DCAF1: variants seen among roughly 807,000 people sequenced by gnomAD.
DCAF1 encodes DDB1 and CUL4 associated factor 1, also known as DDB1- and CUL4-associated factor 1.
In DCAF1, 15 loss-of-function variants were observed where a neutral mutation model predicts 128.0. The observed-to-expected ratio is 0.12, with a 90% CI of 0.08 to 0.18. The LOEUF (loss-of-function observed/expected upper bound fraction) is 0.18, where lower values mean the gene tolerates loss of function less well. Among genes scored for constraint, DCAF1 ranks in the 10% least tolerant of loss-of-function variants. The pLI, the probability that DCAF1 is intolerant of heterozygous loss-of-function variation, is 1.00. For missense variants in DCAF1, 988 were observed against 1,649.5 expected, an observed-to-expected ratio of 0.60 and a Z score of 6.95; for synonymous variants, 610 against 603.0, an observed-to-expected ratio of 1.01 and a Z score of -0.17.
At chr3:51,473,921 A>G (rs1207454898) in intron 3 of DCAF1, among the ~76,000 whole-genome samples, 2 of 151,362 alleles carry the variant, frequency 1.3e-5, no homozygotes, top group Non-Finnish European at 2.9e-5. Context: ...CTCCTGCCTC[A>G]GCCTCCTGAG....
In DCAF1 at chr3:51,441,648, A is replaced by C; in HGVS notation, c.763T>G (p.Ser255Ala). 6.2e-7 allele frequency: 1 copy of C among 1,613,900 alleles called. No homozygotes were observed. Among genetic ancestry groups the C allele is most frequent in the Non-Finnish European group, 8.5e-7 (1 of 1,179,870 alleles). The change falls in exon 8 of 25, where the codon TCA (serine) becomes GCA (alanine). Residue 255 changes from serine to alanine, a missense_variant. Coordinates refer to ENST00000684031, the MANE Select transcript of DCAF1 (RefSeq NM_001387579.1). ...CCTCCATCCTCAGGTTTGGTTGTTG[A>C]GTTCACTCTGCTACTAGTCTTGTGG... ...SGHKTSSRVN[S>A]TTKPEDGGLK...
intron 6 of DCAF1, among the ~76,000 whole-genome samples, chr3:51,449,944 T>G (rs1553641119): frequency 1.3e-5 from 2 of 152,052 alleles, no homozygotes; most frequent in African/African-American, 4.8e-5. Flanking sequence ...ACAGAAAAAC[T>G]AAATAGACCT....
At chr3:51,448,869 TAC>T (rs1702109342) in intron 6 of DCAF1, among the ~76,000 whole-genome samples, 1 of 151,844 alleles carries the variant, frequency 6.6e-6, no homozygotes, top group South Asian at 2.1e-4. Context: ...AACAGTAGAT[TAC>T]ACAGTCTTCT....
At chr3:51,456,549 A>G (rs1199748641) in intron 6 of DCAF1, among the ~76,000 whole-genome samples, 1 of 152,226 alleles carries the variant, frequency 6.6e-6, no homozygotes, top group East Asian at 1.9e-4. Flanking sequence ...CCTCTCTGAC[A>G]GCTTTGAAGA....
chr3:51,396,134 C>CCTAT (rs564582866), downstream of DCAF1: 219 of 403,166 alleles, frequency 5.4e-4, no homozygotes, highest in African/African-American at 4.1e-3. Flanking sequence ...CTCTGGGCTA[C>CCTAT]CTATCTTCCT....
At chr3:51,399,046 G>A (rs1201077065) in intron 24 of DCAF1, among the ~76,000 whole-genome samples, 1 of 152,228 alleles carries the variant, frequency 6.6e-6, no homozygotes, top group East Asian at 1.9e-4. Flanking sequence ...GCTCTCCTAA[G>A]GGCCTGGACA....
In DCAF1 at chr3:51,420,492, A is replaced by T; in HGVS notation, c.2478T>A (p.Asp826Glu). Reference sequence around the variant, plus strand: ...CTTTCTGCAGTCGTGCTAGGGAAACATCAGTGCCAATGAGAAGTGGTTTTC... The same window carrying T: ...CTTTCTGCAGTCGTGCTAGGGAAACTTCAGTGCCAATGAGAAGTGGTTTTC... The part of the protein sequence containing the change: ...VSGKPLLIGT[D>E]VSLARLQKAD... Residue 826 changes from aspartate (D) to glutamate (E), a missense_variant, in exon 15 of 25, where the codon GAT becomes GAA. Transcript: ENST00000684031. This position sits in a 1 kb window ranked among gnomAD's most constrained non-coding sequence, Gnocchi z 6.5. The T allele has an allele frequency of 6.2e-7, 1 of 1,614,024 alleles. No homozygotes were observed. The highest frequency in any genetic ancestry group is 8.5e-7 in the Non-Finnish European group (1 of 1,179,898).
chr3:51,424,105 G>A (rs1553633392), intron 13 of DCAF1, among the ~76,000 whole-genome samples: 1 of 152,086 alleles, frequency 6.6e-6, no homozygotes, highest in East Asian at 1.9e-4. Flanking sequence ...CAAGAAAGTA[G>A]AGAAATGTTG....
chr3:51,395,946 C>CAAGT (rs1352997035), downstream of DCAF1: 1 of 413,374 alleles, frequency 2.4e-6, no homozygotes, highest in Non-Finnish European at 4.4e-6. Context: ...GGTACCTAAG[C>CAAGT]AAGTCAGTTG....
At chr3:51,433,741 G>T (rs1423059536) in intron 9 of DCAF1, among the ~76,000 whole-genome samples, 1 of 151,002 alleles carries the variant, frequency 6.6e-6, no homozygotes, top group Non-Finnish European at 1.5e-5. Context: ...GGGATTACAG[G>T]CGTGAGCCAC....
intron 9 of DCAF1, among the ~76,000 whole-genome samples, chr3:51,439,477 T>C (rs1415826360): frequency 7.0e-6 from 1 of 142,416 alleles, no homozygotes; most frequent in Admixed American, 7.4e-5. Context: ...AGTCTCACTC[T>C]GTTGCCCAGG....
At chr3:51,486,472 G>A (rs1333650357) in intron 2 of DCAF1, among the ~76,000 whole-genome samples, 1 of 151,482 alleles carries the variant, frequency 6.6e-6, no homozygotes, top group Non-Finnish European at 1.5e-5. Context: ...GAGACAACAG[G>A]TGTGAGCCAC....
At chr3:51,478,392 C>A (rs1285217513) in intron 3 of DCAF1, among the ~76,000 whole-genome samples, 1 of 152,010 alleles carries the variant, frequency 6.6e-6, no homozygotes, top group Non-Finnish European at 1.5e-5. Flanking sequence ...AAGAGCATAG[C>A]ATAGTGAAAA....
At chr3:51,443,489 C>T (rs1390652955) in intron 7 of DCAF1, among the ~76,000 whole-genome samples, 3 of 151,674 alleles carry the variant, frequency 2.0e-5, no homozygotes, top group African/African-American at 7.3e-5. Context: ...ACTCAGGAGG[C>T]TGAGGCAGGA....
intron 2 of DCAF1, among the ~76,000 whole-genome samples, chr3:51,494,501 T>G (rs1708026210): frequency 6.6e-6 from 1 of 152,124 alleles, no homozygotes; most frequent in South Asian, 2.1e-4. Context: ...ACGCCACTGA[T>G]TTGTACACTT....
chr3:51,440,885 G>A (rs544797578), intron 9 of DCAF1, 85 bp downstream of exon 9: 94 of 1,162,036 alleles, frequency 8.1e-5, no homozygotes, highest in South Asian at 7.7e-4. Flanking sequence ...CAGCCTGGGC[G>A]ACAGAGTGAG....
chr3:51,435,086 A>G (rs1340482480), intron 9 of DCAF1, among the ~76,000 whole-genome samples: 1 of 152,216 alleles, frequency 6.6e-6, no homozygotes, highest in African/African-American at 2.4e-5. Context: ...ACCCTTATAT[A>G]TAATTCAAAT....
intron 2 of DCAF1, among the ~76,000 whole-genome samples, chr3:51,491,375 C>G (rs1325189046): frequency 6.7e-6 from 1 of 150,280 alleles, no homozygotes. Flanking sequence ...TTGGAAAAAT[C>G]ACACTTCTGA....
chr3:51,457,887 C>T (rs1336229935), intron 6 of DCAF1, among the ~76,000 whole-genome samples: 100 of 152,278 alleles, frequency 6.6e-4, no homozygotes, highest in African/African-American at 2.3e-3. Context: ...ACCACCAGGC[C>T]TGCCTTACAA....
Sources: allele counts gnomAD v4.1 joint callset (sites outside exome capture counted in the v4.1 genomes callset), GRCh38; gene constraint gnomAD v4.1.1; non-coding constraint Gnocchi (gnomAD v3.1); transcripts MANE v1.5; gene names NCBI Gene and HGNC (gene_info 2026-07-23, HGNC 2026-07-21).